The following LRRC8C variants were observed in gnomAD, a reference collection of about 807,000 sequenced individuals.
LRRC8C encodes volume-regulated anion channel subunit LRRC8C.
A neutral mutation model predicts 55.3 loss-of-function variants in LRRC8C; 20 were observed. That is an observed-to-expected ratio of 0.36 (90% CI 0.25 to 0.53). The LOEUF (loss-of-function observed/expected upper bound fraction) is 0.53, where lower values mean the gene tolerates loss of function less well. Ranked by LOEUF, LRRC8C falls within the 20% of genes least tolerant of loss-of-function variation. The probability of loss-of-function intolerance (pLI) is 0.92; values close to 1 mark genes in which losing one functional copy is unlikely to be tolerated. For synonymous variants in LRRC8C, 376 were observed against 360.7 expected, an observed-to-expected ratio of 1.04 and a Z score of -0.48; for missense variants, 659 against 951.4, an observed-to-expected ratio of 0.69 and a Z score of 4.04.
intron 2 of LRRC8C, among the ~76,000 whole-genome samples, chr1:89,689,225 G>C (rs1657962254): frequency 6.6e-6 from 1 of 152,178 alleles, no homozygotes; most frequent in Admixed American, 6.5e-5. Flanking sequence ...CATGTTACAG[G>C]CCTGAAGCAG....
chr1:89,635,767 T>C (rs10922680), intron 1 of LRRC8C, among the ~76,000 whole-genome samples: 91,834 of 152,000 alleles, frequency 0.6, 28,446 homozygotes, highest in East Asian at 0.79. Flanking sequence ...TTCTCTTAAA[T>C]GACTGATCCA....
chr1:89,617,384 C>CAGGA, the LRRC8C span, among the ~76,000 whole-genome samples: 1 of 152,308 alleles, frequency 6.6e-6, no homozygotes, highest in Admixed American at 6.5e-5. Flanking sequence ...TATGTTGACT[C>CAGGA]CTCCTGTCTT....
At chr1:89,625,325 G>C in the LRRC8C span, 2 of 152,208 alleles carry the variant, frequency 1.3e-5, no homozygotes, top group East Asian at 1.9e-4. Context: ...AGGATGTAAA[G>C]ATATTAAGAG....
chr1:89,696,148 A>G (rs533693536), intron 2 of LRRC8C, among the ~76,000 whole-genome samples: 60 of 152,332 alleles, frequency 3.9e-4, no homozygotes, highest in African/African-American at 1.4e-3. Context: ...CCTAATTCTG[A>G]TAGCTACCTA....
At chr1:89,649,309 T>C (rs1309545832) in intron 1 of LRRC8C, among the ~76,000 whole-genome samples, 1 of 152,224 alleles carries the variant, frequency 6.6e-6, no homozygotes, top group Non-Finnish European at 1.5e-5. Flanking sequence ...CATAGTTGTT[T>C]GCAAAGTACT....
chr1:89,617,150 CAG>C, the LRRC8C span, among the ~76,000 whole-genome samples: 1 of 152,204 alleles, frequency 6.6e-6, no homozygotes, highest in African/African-American at 2.4e-5. Flanking sequence ...AGGATATAGA[CAG>C]AGCAGAGAAA....
the LRRC8C span, among the ~76,000 whole-genome samples, chr1:89,616,547 G>A: frequency 6.6e-6 from 1 of 152,208 alleles, no homozygotes; most frequent in Admixed American, 6.5e-5. Flanking sequence ...TCTTGACAGT[G>A]AAAATCTCTG....
rs1339775150 is a variant in LRRC8C, at chr1:89,716,642, T to C, written c.*1660T>C. ...TTGACCTAGAACCAGAACCACTAAT[T>C]ATGAGAACTTTGTTTTATGTACCAA... On this transcript the variant is annotated 3_prime_UTR_variant, in exon 3 of 3. Coordinates refer to ENST00000370454, the MANE Select transcript of LRRC8C (RefSeq NM_032270.5). The C allele has an allele frequency of 6.6e-6, 1 of 152,220 alleles. No individual in the cohort carries two copies. Among genetic ancestry groups the C allele is most frequent in the Non-Finnish European group, 1.5e-5 (1 of 68,030 alleles). The allele number at this position is 152,220 out of a possible 1,614,324, so 9.4% of individuals were successfully genotyped here.
In LRRC8C at chr1:89,713,563, A is replaced by G. The variant is rs1472499992; in HGVS notation, c.993A>G (p.Gly331=). Residue 331 remains glycine (G), a synonymous_variant, in exon 3 of 3, where the codon GGA becomes GGG. Transcript: ENST00000370454. This position sits in a 1 kb window ranked among gnomAD's most constrained non-coding sequence, Gnocchi z 5.2. ...FCYLCFVSIY[G]LTCLYTLYWL... is the part of the protein sequence containing the mutation. ...ATCTGTGCTTTGTTAGTATCTATGG[A>G]TTGACGTGCCTTTATACCTTATACT... is the stretch of plus-strand genomic sequence containing the variant. 32 of 1,614,010 alleles carry G rather than the reference A, an allele frequency of 2.0e-5. No individual in the cohort carries two copies. The highest frequency in any genetic ancestry group is 2.6e-5 in the Non-Finnish European group (31 of 1,180,032).
At chr1:89,629,173 A>C (rs1300121948), upstream of LRRC8C, among the ~76,000 whole-genome samples, 1 of 152,246 alleles carries the variant, frequency 6.6e-6, no homozygotes, top group African/African-American at 2.4e-5. Flanking sequence ...AAGGATTTCA[A>C]AACTGTTGCT....
At chr1:89,693,646 C>CA (rs1658084906) in intron 2 of LRRC8C, among the ~76,000 whole-genome samples, 1 of 82,692 alleles carries the variant, frequency 1.2e-5, no homozygotes, top group Non-Finnish European at 2.3e-5. Flanking sequence ...TCTTTTCTTC[C>CA]TTTTTTTTTT....
intron 2 of LRRC8C, among the ~76,000 whole-genome samples, chr1:89,702,601 A>T (rs540892681): frequency 1.3e-3 from 192 of 151,058 alleles, no homozygotes; most frequent in Admixed American, 2.6e-3. Flanking sequence ...TAAAAAATAA[A>T]TTTTTTTTTC....
At chr1:89,641,361 G>A (rs1656450639) in intron 1 of LRRC8C, among the ~76,000 whole-genome samples, 1 of 152,156 alleles carries the variant, frequency 6.6e-6, no homozygotes, top group Non-Finnish European at 1.5e-5. Context: ...AAAAATGTGG[G>A]TTCAAGGTCA....
chr1:89,711,402 A>G (rs1658645114), intron 2 of LRRC8C, among the ~76,000 whole-genome samples: 1 of 152,252 alleles, frequency 6.6e-6, no homozygotes, highest in Admixed American at 6.5e-5. Context: ...TTGATGTTGC[A>G]AAATCACTAA....
At chr1:89,650,214 ATGT>A (rs1656723364) in intron 1 of LRRC8C, among the ~76,000 whole-genome samples, 3 of 152,218 alleles carry the variant, frequency 2.0e-5, no homozygotes, top group Admixed American at 2.0e-4. Context: ...ATTTCTGTGA[ATGT>A]TGTCATAGGA....
chr1:89,618,276 GTTTTAAAAGCT>G, the LRRC8C span, among the ~76,000 whole-genome samples: 1 of 152,140 alleles, frequency 6.6e-6, no homozygotes, highest in East Asian at 1.9e-4. Flanking sequence ...AATGCAGAGG[GTTTTAAAAGCT>G]TTGGAGTAGG....
intron 1 of LRRC8C, among the ~76,000 whole-genome samples, chr1:89,669,858 A>G (rs1295187159): frequency 4.6e-5 from 7 of 152,164 alleles, no homozygotes; most frequent in African/African-American, 1.2e-4. Context: ...CTCCTCCAAA[A>G]AAGTAGAGAT....
intron 1 of LRRC8C, among the ~76,000 whole-genome samples, chr1:89,638,813 G>T (rs1427925577): frequency 2.6e-5 from 4 of 151,880 alleles, no homozygotes; most frequent in Non-Finnish European, 4.4e-5. Context: ...GAAGCCCTCC[G>T]CAAACTTCAG....
intron 1 of LRRC8C, among the ~76,000 whole-genome samples, chr1:89,657,667 G>A (rs1450267159): frequency 1.3e-5 from 2 of 151,252 alleles, no homozygotes; most frequent in Admixed American, 6.6e-5. Context: ...CTCGAACCCG[G>A]GAGGCAGAGG....
Sources: gnomAD v4.1 joint callset for allele counts (sites outside exome capture counted in the v4.1 genomes callset) on GRCh38, gnomAD v4.1.1 for gene constraint, Gnocchi (gnomAD v3.1) non-coding constraint, MANE v1.5 for transcripts, NCBI Gene and HGNC (gene_info 2026-07-23, HGNC 2026-07-21) for gene names.